Variants in MAML2 observed in about 807,000 individuals in gnomAD.
The protein encoded by MAML2 is mastermind-like protein 2.
Under a neutral mutation model 96.1 loss-of-function variants are expected in MAML2, and 22 were observed. The ratio of observed to expected loss-of-function variants is 0.23; its 90% CI spans 0.16 to 0.33. The LOEUF (loss-of-function observed/expected upper bound fraction) is 0.33. Among genes scored for constraint, MAML2 ranks in the 10% least tolerant of loss-of-function variants. The pLI is 1.00. For synonymous variants in MAML2, 561 were observed against 521.3 expected (o/e 1.08, Z -1.04); for missense variants, 1,367 against 1,392.4 (o/e 0.98, Z 0.29).
intron 1 of MAML2, among the ~76,000 whole-genome samples, chr11:96,155,513 T>C (rs7933819): frequency 0.1 from 1,918 of 18,932 alleles, 99 homozygotes; most frequent in South Asian, 0.15. Flanking sequence ...AATTCAAATA[T>C]ATATATATAT....
rs145019845 is a variant in MAML2, at chr11:96,217,508, G to A, written c.513+123875C>T. 3.8e-3 allele frequency among the ~76,000 whole-genome samples: 582 copies of A among 152,256 alleles called. 17 individuals are homozygous for A. The highest frequency in any genetic ancestry group is 0.025 in the East Asian group (132 of 5,190). On this transcript the variant is annotated intron_variant, in intron 1 of 4. Transcript: ENST00000524717. The stretch of plus-strand genomic sequence containing the variant: ...AACACTGTCCACCGATAATTTATTC[G>A]AGCATCTTCCTTGACTGTGTTATCT...
At chr11:96,059,586 A>T (rs10831473) in intron 2 of MAML2, among the ~76,000 whole-genome samples, 133,365 of 152,144 alleles carry the variant, frequency 0.88, 58,975 homozygotes, top group Non-Finnish European at 0.95. Flanking sequence ...ACCAGAGGTG[A>T]TTCAAATTTC....
chr11:96,111,652 G>C (rs934529916), intron 1 of MAML2, among the ~76,000 whole-genome samples: 1 of 152,202 alleles, frequency 6.6e-6, no homozygotes, highest in African/African-American at 2.4e-5. Flanking sequence ...TGCTGCATAC[G>C]CATAACCTCT....
chr11:95,985,489 CT>C, intron 4 of MAML2, 41 bp downstream of exon 4: 1 of 1,212,126 alleles, frequency 8.2e-7, no homozygotes, highest in Non-Finnish European at 1.2e-6. Context: ...TTTTTTTTTC[CT>C]TTCACAGCTA....
intron 1 of MAML2, among the ~76,000 whole-genome samples, chr11:96,121,779 G>GTTTTTTTTTTT (rs1405872923): frequency 4.9e-5 from 2 of 40,800 alleles, no homozygotes; most frequent in Non-Finnish European, 9.4e-5. Context: ...CCAACTGCGT[G>GTTTTTTTTTTT]ATTTTTTTTT....
chr11:96,155,650 G>A (rs1861001060), intron 1 of MAML2, among the ~76,000 whole-genome samples: 1 of 150,342 alleles, frequency 6.7e-6, no homozygotes, highest in Non-Finnish European at 1.5e-5. Context: ...AAGTTGCTCA[G>A]TGATGAATGC....
At chr11:96,245,996 C>T (rs912503400) in intron 1 of MAML2, among the ~76,000 whole-genome samples, 1 of 152,086 alleles carries the variant, frequency 6.6e-6, no homozygotes, top group Non-Finnish European at 1.5e-5. Context: ...AGCCACTGTG[C>T]CCAGCTGCTT....
At chr11:96,283,429 A>G (rs2135987275) in intron 1 of MAML2, among the ~76,000 whole-genome samples, 1 of 152,368 alleles carries the variant, frequency 6.6e-6, no homozygotes, top group South Asian at 2.1e-4. Flanking sequence ...TCAAGAAACC[A>G]TGAGATGCCA....
At chr11:96,193,292 C>G (rs1861681884) in intron 1 of MAML2, among the ~76,000 whole-genome samples, 1 of 152,154 alleles carries the variant, frequency 6.6e-6, no homozygotes, top group African/African-American at 2.4e-5. Context: ...TCATTTGAAC[C>G]CGGGAGGCGG....
At chr11:96,166,154 GTCTC>G (rs752973631) in intron 1 of MAML2, among the ~76,000 whole-genome samples, 259 of 113,804 alleles carry the variant, frequency 2.3e-3, no homozygotes, top group Admixed American at 3.0e-3. Flanking sequence ...CTCTCTGTCT[GTCTC>G]TCTCTCTCTC....
chr11:96,176,194 G>T (rs1861386045), intron 1 of MAML2, among the ~76,000 whole-genome samples: 1 of 152,038 alleles, frequency 6.6e-6, no homozygotes, highest in African/African-American at 2.4e-5. Context: ...CTTAAAGCAA[G>T]GTTAAATCTC....
intron 2 of MAML2, among the ~76,000 whole-genome samples, chr11:96,002,690 G>A (rs71460637): frequency 0.84 from 111,723 of 133,330 alleles, 45,158 homozygotes; most frequent in Non-Finnish European, 0.85. Context: ...GGGGATGGTG[G>A]GGAGCATGAT....
chr11:96,031,100 C>T (rs61902469), intron 2 of MAML2, among the ~76,000 whole-genome samples: 3 of 152,148 alleles, frequency 2.0e-5, no homozygotes, highest in Non-Finnish European at 2.9e-5. Flanking sequence ...GTAGCACGTA[C>T]GTTTCCTAGG....
intron 1 of MAML2, among the ~76,000 whole-genome samples, chr11:96,195,936 G>T (rs532721626): frequency 6.6e-6 from 1 of 152,302 alleles, no homozygotes; most frequent in South Asian, 2.1e-4. Flanking sequence ...AAGCAAGTAG[G>T]TTAATAGTAC....
intron 2 of MAML2, among the ~76,000 whole-genome samples, chr11:96,084,716 G>A (rs900040266): frequency 1.3e-5 from 2 of 152,172 alleles, no homozygotes; most frequent in Non-Finnish European, 1.5e-5. Context: ...ACTGGACAAA[G>A]ACTCAGAGTC....
At chr11:96,142,106 C>T (rs1418548195) in intron 1 of MAML2, among the ~76,000 whole-genome samples, 2 of 152,090 alleles carry the variant, frequency 1.3e-5, no homozygotes, top group African/African-American at 4.8e-5. Context: ...GCAACAAGAC[C>T]AGAGACAATC....
At chr11:96,090,139 A>G (rs1859681622) in intron 2 of MAML2, among the ~76,000 whole-genome samples, 1 of 152,022 alleles carries the variant, frequency 6.6e-6, no homozygotes, top group African/African-American at 2.4e-5. Context: ...TTTTATGGTC[A>G]GAAGTCTGGG....
At chr11:96,304,513 C>A (rs988896017) in intron 1 of MAML2, among the ~76,000 whole-genome samples, 2 of 152,142 alleles carry the variant, frequency 1.3e-5, no homozygotes, top group Non-Finnish European at 2.9e-5. Context: ...GTGGATTCAA[C>A]CAAGGAGAGA....
chr11:96,202,430 C>A (rs1397061321), intron 1 of MAML2, among the ~76,000 whole-genome samples: 1 of 151,762 alleles, frequency 6.6e-6, no homozygotes, highest in Non-Finnish European at 1.5e-5. Flanking sequence ...AAAGCATGGT[C>A]ACCAGTTATG....
Sources: gnomAD v4.1 joint callset for allele counts (sites outside exome capture counted in the v4.1 genomes callset) on GRCh38, gnomAD v4.1.1 for gene constraint, MANE v1.5 for transcripts, NCBI Gene and HGNC (gene_info 2026-07-23, HGNC 2026-07-21) for gene names.